The following SS18 variants were observed in gnomAD, a reference collection of about 807,000 sequenced individuals.
The protein encoded by SS18 is SS18 subunit of BAF chromatin remodeling complex, also known as protein SSXT.
In SS18, 28 loss-of-function variants were observed where a neutral mutation model predicts 72.5. That is an observed-to-expected ratio of 0.39 (90% CI 0.29 to 0.53). SS18 has a LOEUF of 0.53. Ranked by LOEUF, SS18 falls within the 20% of genes least tolerant of loss-of-function variation. The probability of loss-of-function intolerance (pLI) is 0.76; values close to 1 mark genes in which losing one functional copy is unlikely to be tolerated. For synonymous variants in SS18, 172 were observed against 164.2 expected, an observed-to-expected ratio of 1.05 and a Z score of -0.37; for missense variants, 518 against 535.3, an observed-to-expected ratio of 0.97 and a Z score of 0.32.
chr18:26,078,357 T>C (rs2054454825), intron 2 of SS18, 197 bp from the exon 3 acceptor site: 1 of 470,238 alleles, frequency 2.1e-6, no homozygotes, highest in East Asian at 3.5e-5. Flanking sequence ...GATCTTGCCA[T>C]GTATGCTAAA....
intron 7 of SS18, among the ~76,000 whole-genome samples, chr18:26,036,591 C>T (rs912021111): frequency 6.6e-6 from 1 of 151,844 alleles, no homozygotes; most frequent in Non-Finnish European, 1.5e-5. Context: ...ATTTTACCTG[C>T]GAGATAATTG....
intron 4 of SS18, among the ~76,000 whole-genome samples, chr18:26,056,984 G>C (rs1181877753): frequency 6.6e-6 from 1 of 152,150 alleles, no homozygotes; most frequent in Non-Finnish European, 1.5e-5. Flanking sequence ...ATAGAAAAGA[G>C]AATGGCTCAG....
At chr18:26,084,429 T>C (rs1357085971) in intron 2 of SS18, among the ~76,000 whole-genome samples, 1 of 152,174 alleles carries the variant, frequency 6.6e-6, no homozygotes, top group Non-Finnish European at 1.5e-5. Context: ...AATTAGTGTG[T>C]TGAAGTATGA....
At chr18:26,087,609 AACT>A in intron 1 of SS18, 32 bp from the exon 2 acceptor site, 2 of 1,238,640 alleles carry the variant, frequency 1.6e-6, no homozygotes, top group Non-Finnish European at 2.3e-6. Context: ...TTTAGCATAA[AACT>A]AGTGCATCAA....
At chr18:26,055,813 A>G (rs561532952) in intron 4 of SS18, among the ~76,000 whole-genome samples, 1 of 140,996 alleles carries the variant, frequency 7.1e-6, no homozygotes, top group Non-Finnish European at 1.5e-5. Flanking sequence ...GCTGGGGTGC[A>G]GTGGCGTGAT....
intron 10 of SS18, among the ~76,000 whole-genome samples, chr18:26,029,534 G>T (rs557896677): frequency 2.7e-3 from 404 of 152,220 alleles, no homozygotes; most frequent in Non-Finnish European, 3.9e-3. Context: ...AGGTGAAGGG[G>T]TTTGCTAATT....
intron 5 of SS18, among the ~76,000 whole-genome samples, chr18:26,047,466 G>A (rs527830865): frequency 5.7e-4 from 13 of 22,638 alleles, no homozygotes; most frequent in Non-Finnish European, 1.1e-3. Context: ...TCAAAGTTCT[G>A]ATATAATTGG....
At chr18:26,053,640 G>A (rs2053962215) in intron 4 of SS18, among the ~76,000 whole-genome samples, 1 of 150,430 alleles carries the variant, frequency 6.6e-6, no homozygotes, top group African/African-American at 2.5e-5. Flanking sequence ...GTAAAAGAAT[G>A]GGCAAAGGAC....
intron 4 of SS18, among the ~76,000 whole-genome samples, chr18:26,055,751 G>GTT (rs201307664): frequency 1.3e-4 from 17 of 126,744 alleles, no homozygotes; most frequent in Non-Finnish European, 1.9e-4. Flanking sequence ...AATTCTTTCT[G>GTT]TTTTTTTTTT....
At chr18:26,083,046 G>C (rs2054554503) in intron 2 of SS18, among the ~76,000 whole-genome samples, 1 of 152,130 alleles carries the variant, frequency 6.6e-6, no homozygotes, top group South Asian at 2.1e-4. Context: ...GTCGAGAGGA[G>C]GAGTTGTTTT....
chr18:26,051,865 C>T (rs2053930183), intron 5 of SS18, among the ~76,000 whole-genome samples: 1 of 152,156 alleles, frequency 6.6e-6, no homozygotes, highest in Non-Finnish European at 1.5e-5. Flanking sequence ...CAGATTAACA[C>T]TAACTTCTTT....
chr18:26,017,837 A>C lies in SS18; in HGVS notation c.*517T>G. ...CATTTTGAGACCAAAACAATCAAGC[A>C]TCTACCATGTTCCAGTCCACATTAA... is the stretch of plus-strand genomic sequence containing the variant. On this transcript the variant is annotated 3_prime_UTR_variant, in exon 11 of 11. Coordinates refer to ENST00000415083, the MANE Select transcript of SS18 (RefSeq NM_001007559.3). 1 of 228,544 alleles carries C rather than the reference A, an allele frequency of 4.4e-6. No homozygotes were observed. Among genetic ancestry groups the C allele is most frequent in the East Asian group, 6.3e-5 (1 of 15,814 alleles). 14.2% of individuals were successfully genotyped at this position (228,544 alleles called of 1,614,324 possible).
chr18:26,064,659 T>C (rs910433882), intron 3 of SS18, among the ~76,000 whole-genome samples: 1 of 152,086 alleles, frequency 6.6e-6, no homozygotes, highest in African/African-American at 2.4e-5. Context: ...ACTAATGAAA[T>C]ACTGGATTCT....
At chr18:26,034,304 T>C (rs999904925) in intron 9 of SS18, among the ~76,000 whole-genome samples, 6 of 152,198 alleles carry the variant, frequency 3.9e-5, no homozygotes, top group South Asian at 2.1e-4. Context: ...AGCAGCTACT[T>C]TTCTTTCAAC....
At chr18:26,028,412 T>G (rs2053487880) in intron 10 of SS18, among the ~76,000 whole-genome samples, 1 of 152,236 alleles carries the variant, frequency 6.6e-6, no homozygotes, top group Non-Finnish European at 1.5e-5. Context: ...TTCTGGCAGT[T>G]TGTTGAATTA....
At chr18:26,072,067 C>CA (rs1001659666) in intron 3 of SS18, among the ~76,000 whole-genome samples, 17 of 150,614 alleles carry the variant, frequency 1.1e-4, no homozygotes, top group African/African-American at 3.7e-4. Context: ...ACACTGACTT[C>CA]AAAAAAAAGA....
intron 10 of SS18, among the ~76,000 whole-genome samples, chr18:26,020,211 T>C (rs2053323942): frequency 6.6e-6 from 1 of 152,200 alleles, no homozygotes; most frequent in Non-Finnish European, 1.5e-5. Context: ...AAAACCTCTG[T>C]GAGACTCGGT....
chr18:26,050,044 C>T (rs553174718), intron 5 of SS18, among the ~76,000 whole-genome samples: 5 of 152,248 alleles, frequency 3.3e-5, no homozygotes, highest in East Asian at 3.9e-4. Context: ...GTCAGGAGTT[C>T]AAGACCAACC....
Position 26,035,752 on chromosome 18 carries a change from T to TA in SS18, c.973+78dup. Reference sequence around the variant, plus strand: ...GTATTCTACAAGAGCTTTGCATGGGTAGAAGTTGTCTTATGCAAGAATTTT... The same window carrying TA: ...GTATTCTACAAGAGCTTTGCATGGGTAAGAAGTTGTCTTATGCAAGAATTTT... On this transcript the variant is annotated intron_variant, in intron 8 of 10. Coordinates refer to ENST00000415083, the MANE Select transcript of SS18 (RefSeq NM_001007559.3). The surrounding 1 kb of genome is among the most constrained non-coding windows in gnomAD (Gnocchi z 4.4). 1 of 963,276 alleles carries TA rather than the reference T, an allele frequency of 1.0e-6. No individual in the cohort carries two copies. The highest frequency in any genetic ancestry group is 1.5e-6 in the Non-Finnish European group (1 of 654,226). The allele number at this position is 963,276 out of a possible 1,614,324, so 59.7% of individuals were successfully genotyped here.
Sources: allele counts gnomAD v4.1 joint callset (sites outside exome capture counted in the v4.1 genomes callset), GRCh38; gene constraint gnomAD v4.1.1; non-coding constraint Gnocchi (gnomAD v3.1); transcripts MANE v1.5; gene names NCBI Gene and HGNC (gene_info 2026-07-23, HGNC 2026-07-21).